The following SLC35F4 variants were observed in gnomAD, a reference collection of about 807,000 sequenced individuals.
The protein encoded by SLC35F4 is solute carrier family 35 member F4, also known as chromosome 14 open reading frame 36.
A neutral mutation model predicts 44.2 loss-of-function variants in SLC35F4; 24 were observed. That is an observed-to-expected ratio of 0.54 (90% confidence interval 0.39 to 0.76). SLC35F4 has a LOEUF of 0.76. Ranked by LOEUF, SLC35F4 falls within the 30% of genes least tolerant of loss-of-function variation. The probability of loss-of-function intolerance (pLI) is 0.00; values close to 1 mark genes in which losing one functional copy is unlikely to be tolerated. For missense variants in SLC35F4, 562 were observed against 586.1 expected, an observed-to-expected ratio of 0.96 and a Z score of 0.42; for synonymous variants, 238 against 223.6, an observed-to-expected ratio of 1.06 and a Z score of -0.57.
chr14:57,635,209 G>C (rs1304353036), intron 1 of SLC35F4, among the ~76,000 whole-genome samples: 1 of 149,310 alleles, frequency 6.7e-6, no homozygotes, highest in African/African-American at 2.5e-5. Flanking sequence ...TCATGCCATT[G>C]CACTATAGCC....
intron 1 of SLC35F4, among the ~76,000 whole-genome samples, chr14:57,883,353 C>T (rs756725059): frequency 2.6e-4 from 40 of 152,158 alleles, no homozygotes; most frequent in African/African-American, 9.4e-4. Flanking sequence ...AGTCGTCAGG[C>T]GATGAAGAAT....
In SLC35F4 at chr14:57,785,894, T is replaced by C. The variant is rs537008997; in HGVS notation, c.103+79829A>G. Among the ~76,000 whole-genome samples the C allele has an allele frequency of 3.3e-5, 5 of 152,056 alleles. 1 individual carries two copies. In the South Asian group the frequency reaches 8.3e-4, roughly 25 times the overall value. On this transcript the variant is annotated intron_variant, in intron 1 of 7. Coordinates refer to ENST00000556826, the MANE Select transcript of SLC35F4 (RefSeq NM_001306087.2). ...TTCTCTAGCTGAACTTGGTAACAAT[T>C]TGAATGGGGCAAGAAGCCTCCTGGC...
intron 1 of SLC35F4, among the ~76,000 whole-genome samples, chr14:57,849,021 A>C (rs1886289253): frequency 6.6e-6 from 1 of 152,198 alleles, no homozygotes; most frequent in Non-Finnish European, 1.5e-5. Context: ...AAACTGTAGC[A>C]TGCTAACTTG....
chr14:57,631,897 T>C (rs912146129), intron 1 of SLC35F4, among the ~76,000 whole-genome samples: 1 of 152,130 alleles, frequency 6.6e-6, no homozygotes, highest in Non-Finnish European at 1.5e-5. Flanking sequence ...TGCTTACAGA[T>C]ATAAGTAAGA....
Position 57,589,450 on chromosome 14 carries a change from C to G in SLC35F4, c.353G>C (p.Cys118Ser), listed in dbSNP as rs773402335. 6.2e-7 allele frequency: 1 copy of G among 1,613,862 alleles called. No homozygotes were observed. The highest frequency in any genetic ancestry group is 8.5e-7 in the Non-Finnish European group (1 of 1,179,860). Reference sequence around the variant, plus strand: ...CAGAACCATGGACGTGCAGGACAGGCAGCGAGCCTTGATTCTGTTTTCTTG... The same window carrying G: ...CAGAACCATGGACGTGCAGGACAGGGAGCGAGCCTTGATTCTGTTTTCTTG... ...SSQENRIKARCLSCTSMVLKG... is the reference protein window; with the variant it reads ...SSQENRIKARSLSCTSMVLKG... The change falls in exon 3 of 8, where the codon TGC (cysteine) becomes TCC (serine). Residue 118 changes from cysteine (C) to serine (S), a missense_variant. Coordinates refer to ENST00000556826, the MANE Select transcript of SLC35F4 (RefSeq NM_001306087.2).
chr14:57,966,439 G>T (rs12589074), intron 1 of SLC35F4, among the ~76,000 whole-genome samples: 40,356 of 151,954 alleles, frequency 0.27, 5,851 homozygotes, highest in African/African-American at 0.4. Flanking sequence ...GTACCTTTCA[G>T]AATTTAACAA....
intron 1 of SLC35F4, among the ~76,000 whole-genome samples, chr14:57,707,308 C>T (rs1294313935): frequency 5.3e-5 from 8 of 152,286 alleles, no homozygotes; most frequent in Admixed American, 3.3e-4. Context: ...ATAATCCCCA[C>T]ATATCATGGG....
chr14:57,600,184 C>T (rs1182960176), intron 1 of SLC35F4, among the ~76,000 whole-genome samples: 6 of 152,108 alleles, frequency 3.9e-5, no homozygotes, highest in Non-Finnish European at 2.9e-5. Context: ...AACAAGCTCA[C>T]GTAAATTATA....
intron 1 of SLC35F4, among the ~76,000 whole-genome samples, chr14:57,617,806 A>C (rs182072748): frequency 6.6e-6 from 1 of 152,230 alleles, no homozygotes; most frequent in Admixed American, 6.5e-5. Context: ...GGAGTTAGCC[A>C]AGCAATTAAT....
chr14:57,803,006 A>AAAAAAAAAAAG (rs74994950), intron 1 of SLC35F4, among the ~76,000 whole-genome samples: 1 of 136,252 alleles, frequency 7.3e-6, no homozygotes. Flanking sequence ...AAAAAAAAAA[A>AAAAAAAAAAAG]GAAATTGCAG....
At chr14:57,727,717 T>C (rs1092024) in intron 1 of SLC35F4, among the ~76,000 whole-genome samples, 143,200 of 152,208 alleles carry the variant, frequency 0.94, 67,737 homozygotes, top group Non-Finnish European at 1. Context: ...TTATTGATTT[T>C]TATTTTTATT....
intron 1 of SLC35F4, among the ~76,000 whole-genome samples, chr14:57,771,587 AATTTATTTACTT>A (rs1257541449): frequency 1.3e-5 from 2 of 151,930 alleles, no homozygotes; most frequent in African/African-American, 4.8e-5. Context: ...TTAATTAATT[AATTTATTTACTT>A]ATTTATTTAT....
chr14:57,746,025 T>C (rs1313314645), intron 1 of SLC35F4, among the ~76,000 whole-genome samples: 1 of 151,906 alleles, frequency 6.6e-6, no homozygotes, highest in African/African-American at 2.4e-5. Flanking sequence ...TAGGTGGGAA[T>C]TGAACAATGA....
At chr14:57,835,735 A>G (rs1010483701) in intron 1 of SLC35F4, among the ~76,000 whole-genome samples, 1 of 152,196 alleles carries the variant, frequency 6.6e-6, no homozygotes, top group East Asian at 1.9e-4. Context: ...TTTAGCACTG[A>G]TCACCCACGA....
intron 1 of SLC35F4, among the ~76,000 whole-genome samples, chr14:57,739,481 G>A (rs745513721): frequency 4.6e-5 from 7 of 152,174 alleles, no homozygotes; most frequent in African/African-American, 9.7e-5. Flanking sequence ...GGGAAGTGCC[G>A]TTTCCACAAG....
At chr14:57,912,969 G>T (rs72624749) in intron 1 of SLC35F4, among the ~76,000 whole-genome samples, 1 of 151,952 alleles carries the variant, frequency 6.6e-6, no homozygotes, top group Non-Finnish European at 1.5e-5. Flanking sequence ...TACACAATAA[G>T]GATTGTTATG....
intron 1 of SLC35F4, among the ~76,000 whole-genome samples, chr14:57,937,582 AAAAGAAAGAAAAGAAAAG>A (rs1889824582): frequency 8.5e-6 from 1 of 118,138 alleles, no homozygotes; most frequent in South Asian, 2.7e-4. Context: ...AAGAGAAAAG[AAAAGAAAGAAAAGAAAAG>A]AAAAGAAAAG....
In SLC35F4 at chr14:57,935,578, T is replaced by C. The variant is rs71414178; in HGVS notation, n.282+46335A>G. On this transcript the variant is annotated intron_variant and non_coding_transcript_variant, in intron 1 of 1. Coordinates refer to the SLC35F4 transcript ENST00000556568. ...TCTATAAAAATGGCCCCTTCTAATA[T>C]TATTCTTTTTAGAGTCCAGATAACA... is the stretch of plus-strand genomic sequence containing the variant. 1.8e-3 allele frequency among the ~76,000 whole-genome samples: 274 copies of C among 152,350 alleles called. 4 individuals are homozygous for C. The highest frequency in any genetic ancestry group is 2.8e-3 in the Non-Finnish European group (189 of 68,018).
intron 1 of SLC35F4, among the ~76,000 whole-genome samples, chr14:57,727,683 G>A (rs371614427): frequency 7.2e-5 from 11 of 151,938 alleles, no homozygotes; most frequent in Non-Finnish European, 8.8e-5. Context: ...ATTTCTATGC[G>A]TTTTTATAGT....
Sources: gnomAD v4.1 joint callset for allele counts (sites outside exome capture counted in the v4.1 genomes callset) on GRCh38, gnomAD v4.1.1 for gene constraint, MANE v1.5 for transcripts, NCBI Gene and HGNC (gene_info 2026-07-23, HGNC 2026-07-21) for gene names.